SORCS2: variants seen among roughly 807,000 people sequenced by gnomAD.
SORCS2 encodes the protein sortilin related VPS10 domain containing receptor 2, also known as VPS10 domain-containing receptor SorCS2.
SORCS2 carries 100 observed loss-of-function variants against 141.6 expected under a neutral mutation model. That is an observed-to-expected ratio of 0.71 (90% CI 0.60 to 0.83). The LOEUF (loss-of-function observed/expected upper bound fraction) is 0.83, where lower values mean the gene tolerates loss of function less well. Ranked by LOEUF, SORCS2 falls within the 40% of genes least tolerant of loss-of-function variation. SORCS2 has a pLI of 0.00. For synonymous variants in SORCS2, 789 were observed against 676.9 expected (o/e 1.17, Z -2.57); for missense variants, 1,646 against 1,560.2 (o/e 1.05, Z -0.93).
intron 1 of SORCS2, among the ~76,000 whole-genome samples, chr4:7,382,487 G>T (rs1352818060): frequency 6.6e-6 from 1 of 152,108 alleles, no homozygotes; most frequent in African/African-American, 2.4e-5. Context: ...GAAGCTGATT[G>T]CCAGTCCTCC....
chr4:7,434,243 AC>A, intron 2 of SORCS2: 1 of 1,613,546 alleles, frequency 6.2e-7, no homozygotes, highest in Non-Finnish European at 8.5e-7. Flanking sequence ...AAGGACTCAC[AC>A]TGCTCCTGGA....
chr4:7,675,378 G>A (rs1236256616), intron 8 of SORCS2, among the ~76,000 whole-genome samples: 1 of 152,154 alleles, frequency 6.6e-6, no homozygotes, highest in Non-Finnish European at 1.5e-5. Flanking sequence ...TGCCCCCAGG[G>A]CTCAGGGCTG....
chr4:7,423,499 C>T (rs1252101464), intron 2 of SORCS2, among the ~76,000 whole-genome samples: 2 of 152,148 alleles, frequency 1.3e-5, no homozygotes, highest in African/African-American at 4.8e-5. Flanking sequence ...ACTGGAGGCT[C>T]GAACTCCTGG....
At chr4:7,265,006 C>T (rs528102611) in intron 1 of SORCS2, among the ~76,000 whole-genome samples, 1 of 152,256 alleles carries the variant, frequency 6.6e-6, no homozygotes, top group East Asian at 1.9e-4. Context: ...CAGGCCCTGA[C>T]ACCAGCTTCT....
intron 3 of SORCS2, among the ~76,000 whole-genome samples, chr4:7,602,568 G>A (rs1053470048): frequency 8.1e-5 from 12 of 148,552 alleles, no homozygotes; most frequent in East Asian, 6.0e-4. Context: ...GGCGGCGGCC[G>A]GGAAGAGGCG....
intron 1 of SORCS2, among the ~76,000 whole-genome samples, chr4:7,383,253 C>G (rs1723099540): frequency 6.6e-6 from 1 of 152,156 alleles, no homozygotes; most frequent in Non-Finnish European, 1.5e-5. Flanking sequence ...CCTGACAATT[C>G]TGAGGGGTAG....
intron 21 of SORCS2, among the ~76,000 whole-genome samples, chr4:7,727,936 T>A (rs1165982718): frequency 6.6e-6 from 1 of 152,184 alleles, no homozygotes; most frequent in Non-Finnish European, 1.5e-5. Flanking sequence ...AGTCCATGGA[T>A]CCCTGATGGA....
At chr4:7,619,760 G>A (rs1719025933) in intron 3 of SORCS2, among the ~76,000 whole-genome samples, 1 of 152,194 alleles carries the variant, frequency 6.6e-6, no homozygotes, top group Non-Finnish European at 1.5e-5. Flanking sequence ...CCAACACACA[G>A]GTATCAGGCC....
intron 1 of SORCS2, among the ~76,000 whole-genome samples, chr4:7,327,570 C>T (rs77769964): frequency 6.6e-5 from 10 of 152,374 alleles, no homozygotes; most frequent in South Asian, 2.1e-4. Flanking sequence ...GCTGGTCTCC[C>T]GGCTGCGTGG....
intron 1 of SORCS2, among the ~76,000 whole-genome samples, chr4:7,290,665 C>T (rs1261851223): frequency 1.3e-5 from 2 of 152,220 alleles, no homozygotes; most frequent in African/African-American, 4.8e-5. Context: ...TGCCCCTCAT[C>T]CATGTATGCA....
intron 1 of SORCS2, among the ~76,000 whole-genome samples, chr4:7,295,397 C>T (rs374677783): frequency 1.3e-5 from 2 of 151,972 alleles, no homozygotes; most frequent in East Asian, 2.0e-4. Context: ...CGGCCGGGTG[C>T]GTTGCTACTG....
chr4:7,545,088 A>G (rs1406159490), intron 3 of SORCS2, among the ~76,000 whole-genome samples: 1 of 152,136 alleles, frequency 6.6e-6, no homozygotes, highest in Admixed American at 6.5e-5. Context: ...GCCCTAATAC[A>G]TGGAAAATTA....
chr4:7,667,377 T>A (rs1395147304), intron 8 of SORCS2, among the ~76,000 whole-genome samples, 164 bp downstream of exon 8: 1 of 152,184 alleles, frequency 6.6e-6, no homozygotes, highest in Non-Finnish European at 1.5e-5. Flanking sequence ...ACACCCTCCA[T>A]TCCAGCCCAC....
chr4:7,329,437 C>G (rs927512855), intron 1 of SORCS2, among the ~76,000 whole-genome samples: 4 of 152,126 alleles, frequency 2.6e-5, no homozygotes, highest in African/African-American at 9.7e-5. Flanking sequence ...TGGTTAGTGT[C>G]TGCGCTGATA....
chr4:7,733,027 C>T (rs544304733), intron 23 of SORCS2, among the ~76,000 whole-genome samples: 13 of 149,452 alleles, frequency 8.7e-5, no homozygotes, highest in African/African-American at 3.0e-4. Flanking sequence ...CCACCAGATC[C>T]CCCTCCCTCT....
intron 2 of SORCS2, among the ~76,000 whole-genome samples, chr4:7,419,855 G>C (rs563588338): frequency 1.3e-5 from 2 of 152,322 alleles, no homozygotes; most frequent in South Asian, 2.1e-4. Flanking sequence ...AACAGCCCCA[G>C]TGATTCAGTG....
intron 3 of SORCS2, among the ~76,000 whole-genome samples, chr4:7,569,528 A>G (rs561912331): frequency 2.0e-5 from 3 of 152,316 alleles, no homozygotes; most frequent in East Asian, 3.9e-4. Context: ...AAAAGAAAAA[A>G]GAAATATCTA....
intron 19 of SORCS2, 72 bp downstream of exon 19, chr4:7,723,955 C>A: frequency 6.8e-7 from 1 of 1,461,472 alleles, no homozygotes; most frequent in South Asian, 1.4e-5. Flanking sequence ...GGGGGAAACA[C>A]AGGGAAGCCC....
chr4:7,198,799 G>A (rs779851324), intron 1 of SORCS2, among the ~76,000 whole-genome samples: 10 of 152,184 alleles, frequency 6.6e-5, no homozygotes, highest in Non-Finnish European at 1.0e-4. Flanking sequence ...CGGGGACTCT[G>A]TGTGGAGAGA....
Sources: allele counts gnomAD v4.1 joint callset (sites outside exome capture counted in the v4.1 genomes callset), GRCh38; gene constraint gnomAD v4.1.1; transcripts MANE v1.5; gene names NCBI Gene and HGNC (gene_info 2026-07-23, HGNC 2026-07-21).